The following ADGRB3 variants were observed in gnomAD, a reference collection of about 807,000 sequenced individuals.
ADGRB3 encodes the protein brain-specific angiogenesis inhibitor 3.
A neutral mutation model predicts 193.4 loss-of-function variants in ADGRB3; 37 were observed. The ratio of observed to expected loss-of-function variants is 0.19; its 90% CI spans 0.15 to 0.25. The LOEUF (loss-of-function observed/expected upper bound fraction) is 0.25, where lower values mean the gene tolerates loss of function less well. Ranked by LOEUF, ADGRB3 falls within the 10% of genes least tolerant of loss-of-function variation. The pLI, the probability that ADGRB3 is intolerant of heterozygous loss-of-function variation, is 1.00. For missense variants in ADGRB3, 1,637 were observed against 1,852.9 expected (o/e 0.88, Z 2.14); for synonymous variants, 690 against 644.2 (o/e 1.07, Z -1.08).
At chr6:68,865,234 T>C (rs1765263286) in intron 3 of ADGRB3, among the ~76,000 whole-genome samples, 1 of 115,346 alleles carries the variant, frequency 8.7e-6, no homozygotes, top group Non-Finnish European at 2.1e-5. Context: ...ATATTTTGGA[T>C]ATAATATACA....
intron 3 of ADGRB3, among the ~76,000 whole-genome samples, chr6:68,900,343 T>C (rs1250229482): frequency 2.0e-5 from 3 of 152,080 alleles, no homozygotes; most frequent in Non-Finnish European, 4.4e-5. Context: ...CACAGGTCTG[T>C]AGAGATTCAA....
chr6:68,799,301 G>T (rs896208186), intron 3 of ADGRB3, among the ~76,000 whole-genome samples: 1 of 152,108 alleles, frequency 6.6e-6, no homozygotes, highest in African/African-American at 2.4e-5. Flanking sequence ...TTGGCTCATT[G>T]GATTTGAGTA....
chr6:69,063,154 CTTG>C (rs2150308070), intron 16 of ADGRB3, 118 bp downstream of exon 16: 1 of 676,644 alleles, frequency 1.5e-6, no homozygotes, highest in African/African-American at 1.8e-5. Context: ...AATATATTAA[CTTG>C]TTATGAGTAT....
rs1271713617 is a variant in ADGRB3 at position 69,202,473 on chromosome 6, G to A, written c.2481-30817G>A. 2.1e-5 allele frequency among the ~76,000 whole-genome samples: 3 copies of A among 146,036 alleles called. No individual in the cohort carries two copies. In the East Asian group the frequency reaches 5.8e-4, roughly 28 times the overall value. On this transcript the variant is annotated intron_variant, in intron 17 of 31. Coordinates refer to ENST00000370598, the MANE Select transcript of ADGRB3 (RefSeq NM_001704.3). ...TCCACTTGAAAGAGAGAGAGAGACG[G>A]AGAGAGAGAGACAGAGTTTTCCTCT...
chr6:69,055,645 A>G (rs1006656184), intron 15 of ADGRB3, among the ~76,000 whole-genome samples: 2 of 152,168 alleles, frequency 1.3e-5, no homozygotes, highest in South Asian at 2.1e-4. Flanking sequence ...TCTTTTGGAC[A>G]TATACTCAGA....
intron 3 of ADGRB3, among the ~76,000 whole-genome samples, chr6:68,858,732 T>C (rs1396700689): frequency 6.6e-6 from 1 of 151,892 alleles, no homozygotes; most frequent in Non-Finnish European, 1.5e-5. Context: ...TCTGAAGCAA[T>C]AGCCTGAGCT....
chr6:68,945,025 C>A (rs767421851), intron 6 of ADGRB3, among the ~76,000 whole-genome samples: 1 of 152,108 alleles, frequency 6.6e-6, no homozygotes, highest in African/African-American at 2.4e-5. Context: ...GTTTAAATAC[C>A]CCCAAGTTAA....
intron 3 of ADGRB3, among the ~76,000 whole-genome samples, chr6:68,883,783 A>G (rs1582282020): frequency 2.0e-5 from 3 of 152,238 alleles, no homozygotes; most frequent in Admixed American, 2.0e-4. Context: ...TGTAACACTC[A>G]CCGCCAGGGT....
chr6:69,090,939 A>C (rs893769218), intron 17 of ADGRB3, among the ~76,000 whole-genome samples: 14 of 152,226 alleles, frequency 9.2e-5, no homozygotes, highest in Non-Finnish European at 1.9e-4. Context: ...GATTAAATTA[A>C]TGGTTTAATT....
chr6:69,100,896 A>G (rs1582460780), intron 17 of ADGRB3, among the ~76,000 whole-genome samples: 3 of 113,832 alleles, frequency 2.6e-5, no homozygotes, highest in Non-Finnish European at 3.7e-5. Flanking sequence ...GAAGGAAGGA[A>G]GGAAGAAGCG....
In ADGRB3 at chr6:69,206,045, GTATATATATATATATA is replaced by G. The variant is rs56741913; in HGVS notation, c.2481-27227_2481-27212del. Among the ~76,000 whole-genome samples, 624 of 99,928 alleles carry G rather than the reference GTATATATATATATATA, an allele frequency of 6.2e-3. 3 individuals carry two copies. Among genetic ancestry groups the G allele is most frequent in the Non-Finnish European group, 0.01 (516 of 51,336 alleles). The allele number at this position is 99,928 out of a possible 152,430, so 65.6% of individuals were successfully genotyped here. ...AGAGAGAATAATATATATAATAATG[GTATATATATATATATA>G]TATATATATATATATATGAGTTTAT... On this transcript the variant is annotated intron_variant, in intron 17 of 31. Transcript: ENST00000370598.
chr6:68,802,930 G>A (rs1301515898), intron 3 of ADGRB3, among the ~76,000 whole-genome samples: 2 of 151,944 alleles, frequency 1.3e-5, no homozygotes, highest in Admixed American at 6.6e-5. Flanking sequence ...TCTTCATATG[G>A]CATTTAAGGT....
At chr6:69,278,873 A>G (rs1472802714) in intron 20 of ADGRB3, among the ~76,000 whole-genome samples, 1 of 151,844 alleles carries the variant, frequency 6.6e-6, no homozygotes, top group Non-Finnish European at 1.5e-5. Flanking sequence ...TACCTGGCAT[A>G]GAGGAACATG....
chr6:68,680,615 G>A (rs1318952441), intron 3 of ADGRB3, among the ~76,000 whole-genome samples: 1 of 152,082 alleles, frequency 6.6e-6, no homozygotes, highest in Admixed American at 6.6e-5. Flanking sequence ...AACCCAACAG[G>A]ATAGAATTTA....
At chr6:69,338,786 A>G (rs1334575180) in intron 24 of ADGRB3, 130 bp from the exon 25 acceptor site, 2 of 754,828 alleles carry the variant, frequency 2.6e-6, no homozygotes, top group Non-Finnish European at 4.6e-6. Context: ...ACAACAACCT[A>G]GAGCATACAT....
intron 5 of ADGRB3, among the ~76,000 whole-genome samples, chr6:68,937,426 C>G (rs1767513408): frequency 6.6e-6 from 1 of 152,134 alleles, no homozygotes; most frequent in African/African-American, 2.4e-5. Flanking sequence ...GCTTTGTTTC[C>G]AGAAGTTCAA....
intron 3 of ADGRB3, among the ~76,000 whole-genome samples, chr6:68,853,598 A>G (rs1441758043): frequency 6.6e-6 from 1 of 152,096 alleles, no homozygotes; most frequent in Non-Finnish European, 1.5e-5. Context: ...ACTGTATAGG[A>G]TATATTATAC....
chr6:69,031,867 A>C (rs1011110058), intron 13 of ADGRB3, among the ~76,000 whole-genome samples: 14 of 151,934 alleles, frequency 9.2e-5, no homozygotes, highest in African/African-American at 3.4e-4. Context: ...TCCTGGACTC[A>C]AGAGATCTCC....
chr6:69,225,334 A>C (rs1027945688), intron 17 of ADGRB3, among the ~76,000 whole-genome samples: 1 of 152,106 alleles, frequency 6.6e-6, no homozygotes, highest in Non-Finnish European at 1.5e-5. Flanking sequence ...ACCTTTGATC[A>C]ATCACTTTTT....
Sources: gnomAD v4.1 joint callset for allele counts (sites outside exome capture counted in the v4.1 genomes callset) on GRCh38, gnomAD v4.1.1 for gene constraint, MANE v1.5 for transcripts, NCBI Gene and HGNC (gene_info 2026-07-23, HGNC 2026-07-21) for gene names.